FREM2: variants seen among roughly 807,000 people sequenced by gnomAD.
FREM2 encodes FRAS1-related extracellular matrix protein 2.
A neutral mutation model predicts 219.9 loss-of-function variants in FREM2; 119 were observed. The observed-to-expected ratio is 0.54, with a 90% CI of 0.47 to 0.63. FREM2 has a LOEUF of 0.63. Among genes scored for constraint, FREM2 ranks in the 30% least tolerant of loss-of-function variants. FREM2 has a pLI of 0.00. For missense variants in FREM2, 4,030 were observed against 3,993.6 expected, an observed-to-expected ratio of 1.01 and a Z score of -0.25; for synonymous variants, 1,562 against 1,522.8, an observed-to-expected ratio of 1.03 and a Z score of -0.60.
chr13:38,732,342 T>C (rs1205458984), intron 2 of FREM2, among the ~76,000 whole-genome samples: 1 of 152,220 alleles, frequency 6.6e-6, no homozygotes, highest in African/African-American at 2.4e-5. Context: ...TCTATGGGTG[T>C]TGCTAATTGA....
At chr13:38,787,903 A>G (rs1381990816) in intron 6 of FREM2, among the ~76,000 whole-genome samples, 1 of 152,046 alleles carries the variant, frequency 6.6e-6, no homozygotes, top group Non-Finnish European at 1.5e-5. Context: ...GAGGTGGCAC[A>G]GGGAGGATGG....
intron 2 of FREM2, among the ~76,000 whole-genome samples, chr13:38,723,187 A>G (rs919901830): frequency 1.3e-5 from 2 of 152,042 alleles, no homozygotes; most frequent in Non-Finnish European, 2.9e-5. Context: ...GTGAGCCGAG[A>G]TTGGGCCACT....
At chr13:38,833,823 A>T (rs1876602691) in intron 6 of FREM2, among the ~76,000 whole-genome samples, 1 of 152,002 alleles carries the variant, frequency 6.6e-6, no homozygotes, top group Non-Finnish European at 1.5e-5. Flanking sequence ...TCAAGAGTTG[A>T]TTCATTGCCT....
intron 16 of FREM2, 93 bp from the exon 17 acceptor site, chr13:38,872,649 T>C: frequency 9.9e-7 from 1 of 1,013,406 alleles, no homozygotes; most frequent in Non-Finnish European, 1.6e-6. Flanking sequence ...CTCAAAATCT[T>C]CAGTTAAGCG....
At position 38,880,552 on chromosome 13, in the gene FREM2, C is replaced by G. The variant is rs1878505447; in HGVS notation, c.9275C>G (p.Ala3092Gly). Residue 3092 changes from alanine (A) to glycine (G), a missense_variant, in exon 24 of 24, where the codon GCA (alanine) becomes GGA (glycine). Physicochemically the swap from Ala to Gly is moderately conservative, Grantham distance 60 (BLOSUM62 0). Coordinates refer to ENST00000280481, the MANE Select transcript of FREM2 (RefSeq NM_207361.6). ...AAGAGGCAGATCCCCCATGGGAGAG[C>G]ACCTCCAGATGGCATCCTCCCCTGG... Reference protein sequence around the residue: ...RTKRQIPHGRAPPDGILPWEL... With the variant: ...RTKRQIPHGRGPPDGILPWEL... 1.2e-6 allele frequency: 2 copies of G among 1,614,214 alleles called. No homozygotes were observed. The highest frequency in any genetic ancestry group is 4.5e-5 in the East Asian group (2 of 44,866).
chr13:38,766,902 CA>C (rs1393223501), intron 3 of FREM2, among the ~76,000 whole-genome samples: 1 of 152,010 alleles, frequency 6.6e-6, no homozygotes, highest in Non-Finnish European at 1.5e-5. Context: ...CATTACATAC[CA>C]GGGGCTGTGT....
At chr13:38,764,110 T>C (rs1267460088) in intron 2 of FREM2, among the ~76,000 whole-genome samples, 194 bp from the exon 3 acceptor site, 1 of 152,198 alleles carries the variant, frequency 6.6e-6, no homozygotes, top group Non-Finnish European at 1.5e-5. Context: ...TGAAGAATTA[T>C]GTCAGCGATT....
rs140559360 is a variant in FREM2 at position 38,729,202 on chromosome 13, A to G, written c.5263+31415A>G. Among the ~76,000 whole-genome samples, 5 of 152,224 alleles carry G rather than the reference A, an allele frequency of 3.3e-5. No homozygotes were observed. In the East Asian group the frequency reaches 9.7e-4, roughly 29 times the overall value. On this transcript the variant is annotated intron_variant, in intron 2 of 23. Coordinates refer to ENST00000280481, the MANE Select transcript of FREM2 (RefSeq NM_207361.6). ...TCACTGGCATTTTTTTTTTCAAATA[A>G]CACCAATTAATGTCCCACAAAGCTT...
chr13:38,836,202 T>A (rs991658534), intron 6 of FREM2, among the ~76,000 whole-genome samples: 1 of 152,222 alleles, frequency 6.6e-6, no homozygotes, highest in Admixed American at 6.5e-5. Flanking sequence ...GAGATAATTA[T>A]GTGGTTTTTG....
intron 6 of FREM2, among the ~76,000 whole-genome samples, chr13:38,836,047 T>C (rs1430232562): frequency 1.3e-5 from 2 of 152,244 alleles, no homozygotes; most frequent in African/African-American, 4.8e-5. Context: ...GCTTCCAGCT[T>C]TTGCCCATTT....
intron 16 of FREM2, 119 bp from the exon 17 acceptor site, chr13:38,872,623 C>T (rs1391372246): frequency 1.6e-5 from 13 of 814,718 alleles, no homozygotes; most frequent in Non-Finnish European, 2.1e-5. Flanking sequence ...CTGTCATTTC[C>T]TCTTCTCAAT....
chr13:38,744,128 A>G (rs1006264263), intron 2 of FREM2, among the ~76,000 whole-genome samples: 8 of 151,984 alleles, frequency 5.3e-5, no homozygotes, highest in African/African-American at 9.7e-5. Flanking sequence ...AAGATAAACA[A>G]CTAACATTTG....
At chr13:38,861,664 C>A in intron 15 of FREM2, 102 bp downstream of exon 15, 2 of 1,287,604 alleles carry the variant, frequency 1.6e-6, no homozygotes, top group South Asian at 1.2e-5. Flanking sequence ...AATAAACGTT[C>A]AATTTGCAAC....
chr13:38,814,899 G>T (rs1875700910), intron 6 of FREM2, among the ~76,000 whole-genome samples: 1 of 152,164 alleles, frequency 6.6e-6, no homozygotes, highest in African/African-American at 2.4e-5. Flanking sequence ...TTGGCATAAA[G>T]CCCAAGGGCT....
chr13:38,855,667 G>A (rs1877526340), intron 11 of FREM2, among the ~76,000 whole-genome samples: 1 of 152,104 alleles, frequency 6.6e-6, no homozygotes, highest in Non-Finnish European at 1.5e-5. Context: ...CTCCTAAGTG[G>A]GAGCTAAGCT....
intron 2 of FREM2, among the ~76,000 whole-genome samples, chr13:38,712,244 G>A (rs962456796): frequency 5.9e-5 from 9 of 152,194 alleles, no homozygotes; most frequent in African/African-American, 2.2e-4. Context: ...AGCATGTGGT[G>A]TATGCACTGG....
At chr13:38,727,356 G>A (rs1028108085) in intron 2 of FREM2, among the ~76,000 whole-genome samples, 9 of 152,184 alleles carry the variant, frequency 5.9e-5, no homozygotes, top group African/African-American at 2.2e-4. Flanking sequence ...GCACAGGCCT[G>A]TAATCTCAGA....
At chr13:38,774,631 C>T (rs943656463) in intron 4 of FREM2, among the ~76,000 whole-genome samples, 15 of 152,062 alleles carry the variant, frequency 9.9e-5, no homozygotes, top group African/African-American at 3.4e-4. Context: ...CTCTTTAAAG[C>T]ATATAGATAT....
At chr13:38,837,665 A>C (rs1335926433) in intron 6 of FREM2, among the ~76,000 whole-genome samples, 1 of 151,446 alleles carries the variant, frequency 6.6e-6, no homozygotes, top group African/African-American at 2.4e-5. Context: ...AGCTCTTTTT[A>C]TTGCATTGAT....
Sources: allele counts gnomAD v4.1 joint callset (sites outside exome capture counted in the v4.1 genomes callset), GRCh38; gene constraint gnomAD v4.1.1; transcripts MANE v1.5; gene names NCBI Gene and HGNC (gene_info 2026-07-23, HGNC 2026-07-21).